ATAD2: variants seen among roughly 807,000 people sequenced by gnomAD.
The protein encoded by ATAD2 is ATPase family AAA domain-containing protein 2.
Under a neutral mutation model 168.9 loss-of-function variants are expected in ATAD2, and 62 were observed. That is an observed-to-expected ratio of 0.37 (90% confidence interval 0.30 to 0.45). ATAD2 has a LOEUF of 0.45. ATAD2 is among the 20% of genes least tolerant of loss of function. ATAD2 has a pLI of 1.00. For synonymous variants in ATAD2, 613 were observed against 571.6 expected (o/e 1.07, Z -1.03); for missense variants, 1,419 against 1,667.8 (o/e 0.85, Z 2.60).
intron 20 of ATAD2, 25 bp downstream of exon 20, chr8:123,339,286 T>G: frequency 6.8e-7 from 1 of 1,481,366 alleles, no homozygotes; most frequent in South Asian, 1.3e-5. Flanking sequence ...AATTATTAAA[T>G]ATTAACTTTG....
At chr8:123,360,623 G>A (rs182931631) in intron 9 of ATAD2, among the ~76,000 whole-genome samples, 347 of 151,626 alleles carry the variant, frequency 2.3e-3, no homozygotes, top group African/African-American at 7.7e-3. Flanking sequence ...GGCTCATGCC[G>A]GTAATCCCAG....
In ATAD2 at chr8:123,371,296, C is replaced by G. The variant is rs770290017; in HGVS notation, c.579G>C (p.Lys193Asn). Residue 193 changes from lysine (K) to asparagine (N), a missense_variant, in exon 5 of 28, where the codon AAG becomes AAC. Coordinates refer to ENST00000287394, the MANE Select transcript of ATAD2 (RefSeq NM_014109.4). ...AVLQKMDDMK[K>N]MRRQRMRELE... ...GTTCTCTCATTCGCTGTCTACGCAT[C>G]TTCTTCATGTCATCCATTTTTTGAA... The G allele has an allele frequency of 6.2e-7, 1 of 1,609,460 alleles. No homozygotes were observed. The highest frequency in any genetic ancestry group is 8.5e-7 in the Non-Finnish European group (1 of 1,178,248).
intron 19 of ATAD2, chr8:123,342,308 CAT>C (rs1444315611): frequency 1.3e-5 from 2 of 151,910 alleles, no homozygotes; most frequent in Non-Finnish European, 2.9e-5. Flanking sequence ...ATCAGCAAGA[CAT>C]AAAAGAGTAT....
intron 2 of ATAD2, among the ~76,000 whole-genome samples, chr8:123,380,069 T>C (rs554492820): frequency 5.5e-4 from 83 of 151,792 alleles, no homozygotes; most frequent in African/African-American, 1.9e-3. Flanking sequence ...TATATATTTT[T>C]TTGAGACAGT....
rs1828276308 is a variant in ATAD2, at chr8:123,347,208, T to A, written c.2096A>T (p.Gln699Leu). 6.2e-7 allele frequency: 1 copy of A among 1,614,090 alleles called. No homozygotes were observed. Among genetic ancestry groups the A allele is most frequent in the African/African-American group, 1.3e-5 (1 of 74,938 alleles). Residue 699 changes from glutamine to leucine, a missense_variant, in exon 16 of 28, where the codon CAG becomes CTG. By Grantham distance (113) the Gln-to-Leu change is moderately radical. Around this residue, in one of 5 missense-constraint regions of ATAD2, gnomAD observed 545 missense variants for 724.9 expected, o/e 0.75. Coordinates refer to ENST00000287394, the MANE Select transcript of ATAD2 (RefSeq NM_014109.4). The part of the protein sequence containing the change: ...ASQRAVTSPG[Q>L]ALSTVVKPLL... ...TGGTTTCACAACGGTGGACAGTGCCTGCCCAGGTGATGTCACAGCTCTTTG... is the reference window on the plus strand; with the variant it reads ...TGGTTTCACAACGGTGGACAGTGCCAGCCCAGGTGATGTCACAGCTCTTTG...
chr8:123,404,569 T>C (rs971136277), intron 1 of ATAD2, among the ~76,000 whole-genome samples: 16 of 151,772 alleles, frequency 1.1e-4, no homozygotes, highest in Non-Finnish European at 2.2e-4. Context: ...CTCTCTCTTT[T>C]TTTTTTTTTT....
chr8:123,349,548 A>C (rs1364134680), intron 13 of ATAD2, 104 bp from the exon 14 acceptor site: 1 of 1,112,228 alleles, frequency 9.0e-7, no homozygotes, highest in Non-Finnish European at 1.3e-6. Context: ...ACATGTGAAT[A>C]AATTTTCTCA....
At chr8:123,361,463 C>T in intron 9 of ATAD2, 76 bp downstream of exon 9, 5 of 1,232,366 alleles carry the variant, frequency 4.1e-6, no homozygotes, top group South Asian at 1.3e-5. Context: ...ATACTTATAC[C>T]CAAATTATTC....
At chr8:123,356,526 A>G (rs1828650889) in intron 12 of ATAD2, 49 bp from the exon 13 acceptor site, 1 of 1,307,504 alleles carries the variant, frequency 7.6e-7, no homozygotes, top group African/African-American at 1.5e-5. Flanking sequence ...AGCCTCAAAC[A>G]CGTAGACTTA....
At chr8:123,328,097 G>T in intron 25 of ATAD2, 93 bp downstream of exon 25, 1 of 1,073,478 alleles carries the variant, frequency 9.3e-7, no homozygotes, top group Non-Finnish European at 1.2e-6. Context: ...TGAAAGGCAA[G>T]CAAAAAGCAA....
In ATAD2 at chr8:123,396,388, AC is replaced by A. The variant is rs1323860895; in HGVS notation, c.-32del. ...CTCCCTACTGGCCTCGGCGTGCGCG[AC>A]CGGAGAGAGATCCAGCTCCAGGCGC... On this transcript the variant is annotated 5_prime_UTR_variant, in exon 1 of 28. Coordinates refer to ENST00000287394, the MANE Select transcript of ATAD2 (RefSeq NM_014109.4). The A allele has an allele frequency of 4.6e-6, 7 of 1,531,778 alleles. No individual in the cohort carries two copies. Among genetic ancestry groups the A allele is most frequent in the South Asian group, 1.2e-5 (1 of 84,210 alleles). 94.9% of individuals were successfully genotyped at this position (1,531,778 alleles called of 1,614,324 possible). A position where few individuals can be genotyped will look rare whatever the true frequency, so the allele number is the denominator to read the frequency against.
intron 2 of ATAD2, among the ~76,000 whole-genome samples, chr8:123,378,142 ATC>A (rs1007051957): frequency 2.2e-4 from 33 of 152,232 alleles, no homozygotes; most frequent in African/African-American, 7.7e-4. Flanking sequence ...CCATTTTAAC[ATC>A]TCTGAAATTG....
At chr8:123,384,066 C>T (rs1180147300) in intron 1 of ATAD2, among the ~76,000 whole-genome samples, 9 of 143,652 alleles carry the variant, frequency 6.3e-5, no homozygotes, top group South Asian at 4.3e-4. Flanking sequence ...GGTGACAGAG[C>T]GAGACTCCGT....
rs748172134 is a variant in ATAD2, at chr8:123,337,683, T to C, written c.2993A>G (p.His998Arg). Residue 998 changes from histidine to arginine, a missense_variant, in exon 21 of 28, where the codon CAT (histidine) becomes CGT (arginine). Transcript: ENST00000287394. ...ELRIFLRNVT[H>R]RLAIDKRFRV... ...GAATCGCTTGTCAATAGCAAGCCTA[T>C]GTGTAACATTTCTTAAGAAAATCCT... The C allele has an allele frequency of 1.9e-6, 3 of 1,613,760 alleles. No individual in the cohort carries two copies. The highest frequency in any genetic ancestry group is 1.7e-5 in the Admixed American group (1 of 59,944).
chr8:123,339,997 C>T (rs574534005), intron 19 of ATAD2, among the ~76,000 whole-genome samples: 55 of 152,108 alleles, frequency 3.6e-4, no homozygotes, highest in Middle Eastern at 3.4e-3. Flanking sequence ...TCAAGCAATC[C>T]TCTTATCTCA....
intron 2 of ATAD2, among the ~76,000 whole-genome samples, chr8:123,379,406 A>T (rs561081169): frequency 1.8e-4 from 28 of 152,320 alleles, no homozygotes; most frequent in Admixed American, 5.9e-4. Flanking sequence ...TATGAAGTGG[A>T]GCCATAAACC....
At chr8:123,401,424 G>A, upstream of ATAD2, 1 of 1,392,696 alleles carries the variant, frequency 7.2e-7, no homozygotes, top group East Asian at 2.3e-5. Flanking sequence ...TGTATCAACT[G>A]CCATGGTGTA....
chr8:123,357,668 C>T lies in ATAD2; in HGVS notation c.1451G>A (p.Cys484Tyr), dbSNP rs141688028. 4 of 1,613,786 alleles carry T rather than the reference C, an allele frequency of 2.5e-6. No individual in the cohort carries two copies. In the African/African-American group the frequency reaches 4.0e-5, roughly 16 times the overall value. ...TGCTACTCTTTTATCCCCTTGACTG[C>T]ACTCATTGGCAAGTGCTCTGGCAAC... ...TLVARALANE[C>Y]SQGDKRVAFF... Residue 484 changes from cysteine to tyrosine, a missense_variant, in exon 12 of 28, where the codon TGC becomes TAC. Transcript: ENST00000287394.
At chr8:123,377,458 T>TA (rs1469655006) in intron 2 of ATAD2, among the ~76,000 whole-genome samples, 1 of 152,194 alleles carries the variant, frequency 6.6e-6, no homozygotes, top group Non-Finnish European at 1.5e-5. Context: ...CAGATCCTTT[T>TA]AAAGGTAAAA....
Sources: gnomAD v4.1 joint callset for allele counts (sites outside exome capture counted in the v4.1 genomes callset) on GRCh38, gnomAD v4.1.1 for gene constraint, gnomAD v4.1.1 regional missense constraint, MANE v1.5 for transcripts, NCBI Gene and HGNC (gene_info 2026-07-23, HGNC 2026-07-21) for gene names.